DGKB: variants seen among roughly 807,000 people sequenced by gnomAD.
The protein encoded by DGKB is 90 kDa diacylglycerol kinase.
A neutral mutation model predicts 114.3 loss-of-function variants in DGKB; 67 were observed. The ratio of observed to expected loss-of-function variants is 0.59; its 90% CI spans 0.48 to 0.72. The LOEUF (loss-of-function observed/expected upper bound fraction) is 0.72. DGKB is among the 30% of genes least tolerant of loss of function. The pLI is 0.00. For missense variants in DGKB, 907 were observed against 975.2 expected, an observed-to-expected ratio of 0.93 and a Z score of 0.93; for synonymous variants, 398 against 323.1, an observed-to-expected ratio of 1.23 and a Z score of -2.49.
At chr7:14,538,835 C>T (rs941147216) in intron 20 of DGKB, among the ~76,000 whole-genome samples, 4 of 152,052 alleles carry the variant, frequency 2.6e-5, no homozygotes, top group African/African-American at 7.2e-5. Flanking sequence ...TGTGACAACA[C>T]GGATGGACCT....
At chr7:14,972,558 T>G (rs1216534382) in intron 1 of DGKB, among the ~76,000 whole-genome samples, 1 of 152,068 alleles carries the variant, frequency 6.6e-6, no homozygotes, top group Non-Finnish European at 1.5e-5. Flanking sequence ...ATCATCACAT[T>G]GAAGTGATGA....
At chr7:14,239,087 G>A (rs1234124409) in intron 23 of DGKB, among the ~76,000 whole-genome samples, 1 of 151,924 alleles carries the variant, frequency 6.6e-6, no homozygotes, top group African/African-American at 2.4e-5. Flanking sequence ...TTGCATTCGT[G>A]TTAGGCTTGC....
At chr7:14,614,928 T>C (rs1806241902) in intron 15 of DGKB, among the ~76,000 whole-genome samples, 2 of 152,102 alleles carry the variant, frequency 1.3e-5, no homozygotes, top group African/African-American at 2.4e-5. Flanking sequence ...GTGCAATCAA[T>C]TAATGTACAT....
chr7:14,729,107 G>T (rs545331757), intron 5 of DGKB, among the ~76,000 whole-genome samples: 2 of 148,682 alleles, frequency 1.3e-5, no homozygotes, highest in African/African-American at 2.5e-5. Flanking sequence ...GAATGGAAAC[G>T]GGTTTCATTT....
chr7:14,505,552 G>A (rs1786908824), intron 20 of DGKB, among the ~76,000 whole-genome samples: 1 of 152,084 alleles, frequency 6.6e-6, no homozygotes, highest in Non-Finnish European at 1.5e-5. Flanking sequence ...TTGCTGCCTT[G>A]TGAAGGTTTT....
chr7:14,580,988 TA>T, intron 18 of DGKB, 37 bp from the exon 19 acceptor site: 1 of 1,458,434 alleles, frequency 6.9e-7, no homozygotes, highest in South Asian at 1.3e-5. Flanking sequence ...AAGAAAATTT[TA>T]AGTTCAGATA....
At chr7:14,802,443 C>T (rs1012780784) in intron 2 of DGKB, among the ~76,000 whole-genome samples, 1 of 152,096 alleles carries the variant, frequency 6.6e-6, no homozygotes, top group Non-Finnish European at 1.5e-5. Flanking sequence ...AGTATGTTTT[C>T]TGGCTTCTCT....
intron 4 of DGKB, among the ~76,000 whole-genome samples, chr7:14,742,138 C>A (rs1832673007): frequency 6.6e-6 from 1 of 152,054 alleles, no homozygotes; most frequent in African/African-American, 2.4e-5. Flanking sequence ...TCATGGAACC[C>A]CAGTAATTAG....
intron 20 of DGKB, among the ~76,000 whole-genome samples, chr7:14,522,613 G>C (rs1226919128): frequency 1.3e-5 from 2 of 152,278 alleles, no homozygotes; most frequent in African/African-American, 4.8e-5. Flanking sequence ...AACTGGAAAG[G>C]GGGTGGATGG....
At chr7:14,251,027 C>G (rs1007803376) in intron 23 of DGKB, among the ~76,000 whole-genome samples, 1 of 152,090 alleles carries the variant, frequency 6.6e-6, no homozygotes, top group East Asian at 1.9e-4. Flanking sequence ...GTCCTTCAAG[C>G]TAAAGTGAGT....
chr7:14,712,611 C>T (rs1450951130), intron 6 of DGKB, among the ~76,000 whole-genome samples: 1 of 151,914 alleles, frequency 6.6e-6, no homozygotes, highest in Non-Finnish European at 1.5e-5. Flanking sequence ...GCAGAGGTTG[C>T]AGGGAGCCAA....
intron 23 of DGKB, among the ~76,000 whole-genome samples, chr7:14,330,871 G>C (rs576016304): frequency 5.9e-5 from 9 of 151,816 alleles, no homozygotes; most frequent in African/African-American, 9.7e-5. Context: ...TTATAGGATA[G>C]CCAAACAAAG....
At chr7:14,251,387 T>C (rs970042223) in intron 23 of DGKB, among the ~76,000 whole-genome samples, 1 of 152,178 alleles carries the variant, frequency 6.6e-6, no homozygotes, top group African/African-American at 2.4e-5. Flanking sequence ...ATAATAATTC[T>C]ACACTTTTAC....
intron 23 of DGKB, chr7:14,191,990 C>T (rs1367298598): frequency 3.4e-6 from 2 of 596,934 alleles, no homozygotes; most frequent in Non-Finnish European, 5.8e-6. Flanking sequence ...TCCTGGCAAG[C>T]TCCTGTGTTG....
At chr7:14,902,171 G>A (rs960189778) in intron 1 of DGKB, among the ~76,000 whole-genome samples, 2 of 152,156 alleles carry the variant, frequency 1.3e-5, no homozygotes, top group Non-Finnish European at 2.9e-5. Context: ...TTAGTTCACA[G>A]ATTAGGAATA....
intron 23 of DGKB, among the ~76,000 whole-genome samples, chr7:14,291,326 T>C (rs1392794267): frequency 6.6e-6 from 1 of 152,060 alleles, no homozygotes; most frequent in Non-Finnish European, 1.5e-5. Flanking sequence ...CAAAGTTAAG[T>C]ATAGGGAGAT....
At chr7:14,285,236 C>G (rs1053405487) in intron 23 of DGKB, among the ~76,000 whole-genome samples, 2 of 152,124 alleles carry the variant, frequency 1.3e-5, no homozygotes, top group Non-Finnish European at 2.9e-5. Context: ...AAATATACTG[C>G]CATTAGGTGG....
intron 2 of DGKB, among the ~76,000 whole-genome samples, chr7:14,829,650 T>C (rs1158345539): frequency 4.6e-5 from 7 of 152,138 alleles, no homozygotes; most frequent in Non-Finnish European, 1.0e-4. Flanking sequence ...CTTATGTTAA[T>C]GGTGTTATTT....
rs566145552 is a variant in DGKB at position 14,805,573 on chromosome 7, G to A, written c.70+35621C>T. Among the ~76,000 whole-genome samples the A allele has an allele frequency of 5.2e-4, 79 of 151,990 alleles. 1 individual carries two copies. In the South Asian group the frequency reaches 0.016, roughly 30 times the overall value. The stretch of plus-strand genomic sequence containing the variant: ...TCAGCCTCTTTTATTTGAACAAAAA[G>A]CAAAGTCCAACATGTGTGCGTATTT... On this transcript the variant is annotated intron_variant, in intron 2 of 25. Coordinates refer to ENST00000402815, the MANE Select transcript of DGKB (RefSeq NM_001350709.2).
Sources: gnomAD v4.1 joint callset for allele counts (sites outside exome capture counted in the v4.1 genomes callset) on GRCh38, gnomAD v4.1.1 for gene constraint, MANE v1.5 for transcripts, NCBI Gene and HGNC (gene_info 2026-07-23, HGNC 2026-07-21) for gene names.